TBC1D31: variants seen among roughly 807,000 people sequenced by gnomAD.
TBC1D31 encodes TBC1 domain family member 31.
A neutral mutation model predicts 132.9 loss-of-function variants in TBC1D31; 99 were observed. The observed-to-expected ratio is 0.74, with a 90% CI of 0.63 to 0.88. The LOEUF is 0.88. Ranked by LOEUF, TBC1D31 falls within the 40% of genes least tolerant of loss-of-function variation. The pLI is 0.00. For synonymous variants in TBC1D31, 385 were observed against 419.4 expected, an observed-to-expected ratio of 0.92 and a Z score of 1.00; for missense variants, 1,134 against 1,256.6, an observed-to-expected ratio of 0.90 and a Z score of 1.48.
Position 123,129,234 on chromosome 8 carries a change from T to G in TBC1D31, c.2270+16T>G. ...AAAGACAGAGGTATGTGTTATCACT[T>G]TAAAAAAAAATCTGGACATATAAGT... On this transcript the variant is annotated intron_variant, in intron 15 of 21. Coordinates refer to ENST00000287380, the MANE Select transcript of TBC1D31 (RefSeq NM_145647.4). 6.8e-7 allele frequency: 1 copy of G among 1,476,782 alleles called. No individual in the cohort carries two copies. The highest frequency in any genetic ancestry group is 9.1e-7 in the Non-Finnish European group (1 of 1,102,484). 91.5% of individuals were successfully genotyped at this position (1,476,782 alleles called of 1,614,324 possible). A position where few individuals can be genotyped will look rare whatever the true frequency, so the allele number is the denominator to read the frequency against.
chr8:123,138,672 T>C (rs1447798752), intron 17 of TBC1D31, among the ~76,000 whole-genome samples: 1 of 152,238 alleles, frequency 6.6e-6, no homozygotes, highest in Non-Finnish European at 1.5e-5. Flanking sequence ...AATGGAATCA[T>C]ACAATGTGTG....
intron 10 of TBC1D31, among the ~76,000 whole-genome samples, chr8:123,117,840 A>C (rs1819098272): frequency 6.6e-6 from 1 of 152,040 alleles, no homozygotes; most frequent in South Asian, 2.1e-4. Flanking sequence ...AAATGGAAGA[A>C]TTCCTTGAGT....
chr8:123,103,535 G>A (rs939448159), intron 7 of TBC1D31: 5 of 152,058 alleles, frequency 3.3e-5, no homozygotes, highest in East Asian at 1.9e-4. Context: ...CAATTCTCCT[G>A]CCTCAGCCTC....
downstream of TBC1D31, among the ~76,000 whole-genome samples, chr8:123,155,003 G>T (rs1252670414): frequency 1.3e-5 from 2 of 152,178 alleles, no homozygotes; most frequent in African/African-American, 4.8e-5. This position sits in a 1 kb window ranked among gnomAD's most constrained non-coding sequence, Gnocchi z 4.1. Flanking sequence ...CTGCAGACCT[G>T]AGATGATTGA....
chr8:123,109,548 C>G lies in TBC1D31; in HGVS notation c.1364C>G (p.Thr455Ser). ...TTTAGTACCCTCATAGATAAGGGGA[C>G]TCATGTGGCATTTCTCAACCTTCAG... Reference protein sequence around the residue: ...TAFSTLIDKGTHVAFLNLQKK... With the variant: ...TAFSTLIDKGSHVAFLNLQKK... The change falls in exon 10 of 22, where the codon ACT (threonine) becomes AGT (serine). Residue 455 changes from threonine to serine, a missense_variant. Coordinates refer to ENST00000287380, the MANE Select transcript of TBC1D31 (RefSeq NM_145647.4). The G allele has an allele frequency of 6.2e-7, 1 of 1,613,844 alleles. No homozygotes were observed. Among genetic ancestry groups the G allele is most frequent in the Non-Finnish European group, 8.5e-7 (1 of 1,179,828 alleles).
At chr8:123,127,894 A>C (rs1820232025) in intron 13 of TBC1D31, 1 of 158,784 alleles carries the variant, frequency 6.3e-6, no homozygotes, top group Non-Finnish European at 1.4e-5. Flanking sequence ...ATCTTCCAGC[A>C]AAACAAGATA....
At chr8:123,083,477 C>T (rs1026101341) in intron 3 of TBC1D31, 2 of 151,836 alleles carry the variant, frequency 1.3e-5, no homozygotes, top group African/African-American at 2.4e-5. Context: ...AGGTTGGTCT[C>T]GAACTTCTAG....
At chr8:123,133,344 T>C (rs935391645) in intron 16 of TBC1D31, among the ~76,000 whole-genome samples, 4 of 152,210 alleles carry the variant, frequency 2.6e-5, no homozygotes, top group African/African-American at 9.6e-5. Context: ...TCCCCCAACC[T>C]TTGAGCTAGC....
At chr8:123,100,397 G>A (rs1817274773) in intron 6 of TBC1D31, among the ~76,000 whole-genome samples, 1 of 152,080 alleles carries the variant, frequency 6.6e-6, no homozygotes, top group Non-Finnish European at 1.5e-5. Flanking sequence ...CCAACATGGT[G>A]AAACCCCATC....
At chr8:123,158,843 A>C in the TBC1D31 span, among the ~76,000 whole-genome samples, 3 of 152,060 alleles carry the variant, frequency 2.0e-5, no homozygotes, top group South Asian at 6.2e-4. Flanking sequence ...CCGAGGGGCG[A>C]GGAAGGAGGA....
chr8:123,100,379 C>A (rs1202257239), intron 6 of TBC1D31, among the ~76,000 whole-genome samples: 6 of 152,074 alleles, frequency 3.9e-5, no homozygotes, highest in Non-Finnish European at 8.8e-5. Context: ...AGTTCGAGAG[C>A]AGCCTGGCCA....
the TBC1D31 span, among the ~76,000 whole-genome samples, chr8:123,163,019 CAG>C: frequency 6.6e-6 from 1 of 152,068 alleles, no homozygotes; most frequent in Non-Finnish European, 1.5e-5. Flanking sequence ...TTAGTAGAAA[CAG>C]GGTTTCACCA....
chr8:123,162,931 C>T, the TBC1D31 span, among the ~76,000 whole-genome samples: 3 of 151,958 alleles, frequency 2.0e-5, no homozygotes, highest in Non-Finnish European at 4.4e-5. Flanking sequence ...CTCCCAGATT[C>T]AAGCGATTCT....
chr8:123,118,986 A>G (rs1401652659), intron 10 of TBC1D31, among the ~76,000 whole-genome samples: 5 of 152,214 alleles, frequency 3.3e-5, no homozygotes, highest in Non-Finnish European at 5.9e-5. Context: ...TCAACCCCCC[A>G]AAATGTTGGG....
chr8:123,163,687 T>A, the TBC1D31 span, among the ~76,000 whole-genome samples: 18 of 152,242 alleles, frequency 1.2e-4, no homozygotes, highest in Non-Finnish European at 2.1e-4. Flanking sequence ...TTTTTAAAAA[T>A]TTTTTATTTC....
chr8:123,117,087 G>C (rs1198560859), intron 10 of TBC1D31, among the ~76,000 whole-genome samples: 1 of 152,114 alleles, frequency 6.6e-6, no homozygotes, highest in Non-Finnish European at 1.5e-5. Context: ...GGTCAAGACG[G>C]GTGGATCACC....
At chr8:123,158,698 C>T in the TBC1D31 span, among the ~76,000 whole-genome samples, 428 of 152,190 alleles carry the variant, frequency 2.8e-3, 1 homozygote, top group African/African-American at 9.8e-3. Context: ...TGAGTACAAG[C>T]AGGTAGGGAC....
At position 123,082,731 on chromosome 8, in the gene TBC1D31, C is replaced by T; in HGVS notation, c.254C>T (p.Ala85Val). The change falls in exon 3 of 22, where the codon GCT becomes GTT. Residue 85 changes from alanine (A) to valine (V), a missense_variant. Ala to Val is a moderately conservative substitution (Grantham distance 64). Transcript: ENST00000287380. ...RFNLVQRTAQ[A>V]CTALAFNLRR... The stretch of plus-strand genomic sequence containing the variant: ...AATCTTGTTCAGCGAACAGCACAAG[C>T]TTGCACAGCTCTGGCCTTTAATCTT... 1 of 1,612,718 alleles carries T rather than the reference C, an allele frequency of 6.2e-7. No individual in the cohort carries two copies. The highest frequency in any genetic ancestry group is 1.1e-5 in the South Asian group (1 of 91,062).
chr8:123,153,301 G>GT (rs1460235320), downstream of TBC1D31, among the ~76,000 whole-genome samples: 3 of 152,148 alleles, frequency 2.0e-5, no homozygotes, highest in African/African-American at 7.2e-5. Context: ...GTCTATTGCA[G>GT]TTTTTTACCT....
Sources: allele counts gnomAD v4.1 joint callset (sites outside exome capture counted in the v4.1 genomes callset), GRCh38; gene constraint gnomAD v4.1.1; non-coding constraint Gnocchi (gnomAD v3.1); transcripts MANE v1.5; gene names NCBI Gene and HGNC (gene_info 2026-07-23, HGNC 2026-07-21).